OTOF: variants seen among roughly 807,000 people sequenced by gnomAD.
OTOF encodes the protein otoferlin.
Under a neutral mutation model 236.8 loss-of-function variants are expected in OTOF, and 218 were observed. The observed-to-expected ratio is 0.92, with a 90% CI of 0.82 to 1.03. The LOEUF (loss-of-function observed/expected upper bound fraction) is 1.03. Ranked by LOEUF, OTOF falls within the 50% of genes least tolerant of loss-of-function variation. OTOF has a pLI of 0.00. For synonymous variants in OTOF, 1,041 were observed against 1,072.5 expected (o/e 0.97, Z 0.57); for missense variants, 2,590 against 2,694.4 (o/e 0.96, Z 0.86).
At chr2:26,555,609 A>AC (rs1667567140) in intron 1 of OTOF, among the ~76,000 whole-genome samples, 1 of 152,012 alleles carries the variant, frequency 6.6e-6, no homozygotes, top group Admixed American at 6.5e-5. Flanking sequence ...CCAGATGAGA[A>AC]CAGGAGTCTC....
At chr2:26,555,014 G>C (rs542994496) in intron 1 of OTOF, among the ~76,000 whole-genome samples, 59 of 152,300 alleles carry the variant, frequency 3.9e-4, no homozygotes, top group Non-Finnish European at 7.1e-4. Flanking sequence ...TTACAGTCCA[G>C]GTCCCCCAGC....
At chr2:26,467,578 G>A (rs1664793211) in intron 33 of OTOF, 77 bp from the exon 34 acceptor site, 13 of 1,503,474 alleles carry the variant, frequency 8.6e-6, no homozygotes, top group South Asian at 5.9e-5. Context: ...CAGCTCTGTC[G>A]CTAATTTGCT....
chr2:26,522,528 T>C (rs1666702112), intron 3 of OTOF, among the ~76,000 whole-genome samples: 1 of 152,224 alleles, frequency 6.6e-6, no homozygotes, highest in African/African-American at 2.4e-5. Context: ...CTGGCCTTTG[T>C]GCATCCTGGC....
chr2:26,482,739 G>A (rs1665578973), intron 13 of OTOF, 147 bp from the exon 14 acceptor site: 6 of 660,496 alleles, frequency 9.1e-6, no homozygotes, highest in Non-Finnish European at 1.6e-5. Flanking sequence ...GTGGATGCAT[G>A]TGTGCGTGTG....
intron 1 of OTOF, among the ~76,000 whole-genome samples, chr2:26,554,523 A>G (rs1667538866): frequency 6.9e-6 from 1 of 144,598 alleles, no homozygotes; most frequent in East Asian, 1.9e-4. Flanking sequence ...GAGCAGTAGG[A>G]AGAATGTGTG....
chr2:26,523,835 C>T (rs1263188994), intron 3 of OTOF, among the ~76,000 whole-genome samples: 1 of 152,260 alleles, frequency 6.6e-6, no homozygotes, highest in East Asian at 1.9e-4. Flanking sequence ...GGGGTCTGAA[C>T]TGGGCCATGT....
intron 5 of OTOF, among the ~76,000 whole-genome samples, chr2:26,512,461 C>A (rs1404415147): frequency 6.6e-6 from 1 of 152,238 alleles, no homozygotes; most frequent in Admixed American, 6.5e-5. Flanking sequence ...GCCGAAGTCA[C>A]TTTCTCTCCA....
Position 26,474,089 on chromosome 2 carries a change from C to A in OTOF, c.3310G>T (p.Asp1104Tyr). ...ACCGGGCCATTGATGGGGGGCAGGT[C>A]AGCCTTCCCTGCTGGTCCAATCTGG... ...LLQIGPAGKA[D>Y]LPPINGPVDV... Residue 1104 changes from aspartate (D) to tyrosine (Y), a missense_variant, in exon 27 of 47, where the codon GAC becomes TAC. By Grantham distance (160) the Asp-to-Tyr change is radical. Coordinates refer to ENST00000272371, the MANE Select transcript of OTOF (RefSeq NM_194248.3). 6.2e-7 allele frequency: 1 copy of A among 1,612,978 alleles called. No individual in the cohort carries two copies. Among genetic ancestry groups the A allele is most frequent in the South Asian group, 1.1e-5 (1 of 91,088 alleles).
chr2:26,511,070 A>C (rs1418915699), intron 5 of OTOF, among the ~76,000 whole-genome samples: 1 of 152,190 alleles, frequency 6.6e-6, no homozygotes, highest in Non-Finnish European at 1.5e-5. Context: ...ATGATTCCAC[A>C]ATGTGGGTCG....
intron 13 of OTOF, among the ~76,000 whole-genome samples, chr2:26,483,240 C>T (rs1156796577): frequency 6.6e-6 from 1 of 152,022 alleles, no homozygotes. Flanking sequence ...GACTTGTCTC[C>T]ACTCTTCCCA....
chr2:26,525,466 G>C (rs1666778070), intron 3 of OTOF, among the ~76,000 whole-genome samples: 1 of 152,230 alleles, frequency 6.6e-6, no homozygotes, highest in Admixed American at 6.5e-5. Context: ...TCTTCCAGCA[G>C]CCTGTTCCTC....
At chr2:26,494,734 C>G (rs1325320462) in intron 9 of OTOF, among the ~76,000 whole-genome samples, 1 of 151,782 alleles carries the variant, frequency 6.6e-6, no homozygotes, top group South Asian at 2.1e-4. Flanking sequence ...AGACCAGTGT[C>G]GGCCTGTGCT....
chr2:26,535,961 C>T (rs1667060663), intron 2 of OTOF, among the ~76,000 whole-genome samples: 1 of 152,212 alleles, frequency 6.6e-6, no homozygotes, highest in African/African-American at 2.4e-5. Context: ...CAGGTTGCCC[C>T]CTGGCTGAAC....
chr2:26,490,434 G>T (rs1463504979), intron 9 of OTOF, among the ~76,000 whole-genome samples: 1 of 152,242 alleles, frequency 6.6e-6, no homozygotes, highest in Non-Finnish European at 1.5e-5. Flanking sequence ...CTTTGGTGCT[G>T]TGGGCTGCCA....
Position 26,466,724 on chromosome 2 carries a change from T to C in OTOF, c.4490A>G (p.Tyr1497Cys), listed in dbSNP as rs1402084278. Residue 1497 changes from tyrosine to cysteine, a missense_variant, in exon 36 of 47, where the codon TAT (tyrosine) becomes TGT (cysteine). By Grantham distance (194) the Tyr-to-Cys change is radical (BLOSUM62 -2). Coordinates refer to ENST00000272371, the MANE Select transcript of OTOF (RefSeq NM_194248.3). The part of the protein sequence containing the change: ...NDPINVLVRV[Y>C]VVRATDLHPA... Reference sequence around the variant, plus strand: ...CGACGGGAGTCTCACCCGGACCACATAGACTCGGACCAGCACATTGATGGG... The same window carrying C: ...CGACGGGAGTCTCACCCGGACCACACAGACTCGGACCAGCACATTGATGGG... The C allele has an allele frequency of 1.9e-6, 3 of 1,614,030 alleles. No individual in the cohort carries two copies. Among genetic ancestry groups the C allele is most frequent in the Non-Finnish European group, 2.5e-6 (3 of 1,180,020 alleles).
In OTOF at chr2:26,480,964, G is replaced by C; in HGVS notation, c.1625C>G (p.Ser542Cys). 1 of 1,612,832 alleles carries C rather than the reference G, an allele frequency of 6.2e-7. No homozygotes were observed. The highest frequency in any genetic ancestry group is 8.5e-7 in the Non-Finnish European group (1 of 1,179,958). ...ATCCAGCAGCGTGTAGTTACGTGTG[G>C]AGCCGTACATGTTCACCCAGGCTGG... ...LGPAWVNMYG[S>C]TRNYTLLDEH... The change falls in exon 15 of 47, where the codon TCC (serine) becomes TGC (cysteine). Residue 542 changes from serine (S) to cysteine (C), a missense_variant. Around this residue, in one of 2 missense-constraint regions of OTOF, gnomAD observed 1,379 missense variants for 1,341.6 expected, o/e 1.03. Transcript: ENST00000272371.
In OTOF at chr2:26,467,482, C is replaced by T; in HGVS notation, c.4110G>A (p.Lys1370=). 3 of 1,614,086 alleles carry T rather than the reference C, an allele frequency of 1.9e-6. No homozygotes were observed. The highest frequency in any genetic ancestry group is 1.7e-6 in the Non-Finnish European group (2 of 1,179,998). Residue 1370 remains lysine, a synonymous_variant, in exon 34 of 47, where the codon AAG becomes AAA. Coordinates refer to ENST00000272371, the MANE Select transcript of OTOF (RefSeq NM_194248.3). ...DNTEGLKGSM[K]GKEKARAAKE... ...TGGCAGCCCTTGCCTTCTCCTTGCC[C>T]TTCATTGACCCCTTCAGGCCTGGCC...
intron 9 of OTOF, among the ~76,000 whole-genome samples, chr2:26,491,525 G>A (rs1665840144): frequency 6.6e-6 from 1 of 152,230 alleles, no homozygotes; most frequent in Non-Finnish European, 1.5e-5. Flanking sequence ...CAAGGAAGAA[G>A]GGGCTGGAAG....
chr2:26,471,243 G>A, intron 30 of OTOF, 93 bp from the exon 31 acceptor site: 1 of 1,441,230 alleles, frequency 6.9e-7, no homozygotes, highest in South Asian at 1.1e-5. Flanking sequence ...GAGGAGCCGA[G>A]ATGGAAATTA....
Sources: allele counts gnomAD v4.1 joint callset (sites outside exome capture counted in the v4.1 genomes callset), GRCh38; gene constraint gnomAD v4.1.1; regional missense constraint gnomAD v4.1.1; transcripts MANE v1.5; gene names NCBI Gene and HGNC (gene_info 2026-07-23, HGNC 2026-07-21).